Variants in SCEL observed in about 807,000 individuals in gnomAD.
The protein encoded by SCEL is sciellin.
In SCEL, 113 loss-of-function variants were observed where a neutral mutation model predicts 117.6. The observed-to-expected ratio is 0.96, with a 90% confidence interval of 0.83 to 1.12. SCEL has a LOEUF of 1.12. SCEL is among the 50% of genes most tolerant of loss of function. The probability of loss-of-function intolerance (pLI) is 0.00; values close to 1 mark genes in which losing one functional copy is unlikely to be tolerated. For synonymous variants in SCEL, 270 were observed against 256.2 expected (o/e 1.05, Z -0.51); for missense variants, 785 against 810.8 (o/e 0.97, Z 0.39).
chr13:77,552,780 C>A (rs1383528891), intron 1 of SCEL, among the ~76,000 whole-genome samples: 3 of 152,202 alleles, frequency 2.0e-5, no homozygotes, highest in Non-Finnish European at 4.4e-5. Flanking sequence ...ATGCCTATGT[C>A]CTGAATGGTA....
intron 9 of SCEL, among the ~76,000 whole-genome samples, chr13:77,583,057 C>T (rs2154399046): frequency 6.6e-6 from 1 of 151,964 alleles, no homozygotes; most frequent in African/African-American, 2.4e-5. Flanking sequence ...TCTTATAGAG[C>T]CAACTTAAAT....
intron 27 of SCEL, among the ~76,000 whole-genome samples, chr13:77,618,448 C>T (rs1203020005): frequency 6.6e-6 from 1 of 152,146 alleles, no homozygotes; most frequent in Non-Finnish European, 1.5e-5. Context: ...TCCTAAATTG[C>T]TGGGATTACA....
intron 1 of SCEL, among the ~76,000 whole-genome samples, chr13:77,550,598 T>C (rs1185156165): frequency 6.6e-6 from 1 of 152,136 alleles, no homozygotes; most frequent in Admixed American, 6.5e-5. Flanking sequence ...GTACATTTCA[T>C]ATCAATGGAA....
intron 9 of SCEL, among the ~76,000 whole-genome samples, chr13:77,580,941 C>T (rs1365631432): frequency 6.6e-6 from 1 of 152,002 alleles, no homozygotes; most frequent in Non-Finnish European, 1.5e-5. Context: ...AAAAAATATC[C>T]TGATTGAGAA....
At chr13:77,560,535 A>C (rs2084922864) in intron 4 of SCEL, among the ~76,000 whole-genome samples, 1 of 152,238 alleles carries the variant, frequency 6.6e-6, no homozygotes, top group South Asian at 2.1e-4. Flanking sequence ...TACAGAGTTC[A>C]CTTGCTTTAT....
chr13:77,634,242 C>G, intron 28 of SCEL, 137 bp from the exon 29 acceptor site: 1 of 769,756 alleles, frequency 1.3e-6, no homozygotes. Context: ...TAATACCACT[C>G]TAACATTCAT....
intron 24 of SCEL, among the ~76,000 whole-genome samples, chr13:77,615,862 G>T (rs973733842): frequency 1.3e-5 from 2 of 151,866 alleles, no homozygotes; most frequent in Admixed American, 6.6e-5. Context: ...TCTCAAATGT[G>T]GGTTGCAACT....
At chr13:77,610,401 G>A (rs1185386722) in intron 22 of SCEL, among the ~76,000 whole-genome samples, 2 of 148,808 alleles carry the variant, frequency 1.3e-5, no homozygotes, top group Non-Finnish European at 3.0e-5. Flanking sequence ...GCAGTGAGCC[G>A]AGATGGCACC....
chr13:77,568,216 T>A, intron 6 of SCEL, 79 bp from the exon 7 acceptor site: 1 of 897,330 alleles, frequency 1.1e-6, no homozygotes, highest in Non-Finnish European at 1.8e-6. Context: ...TTTAAAACTC[T>A]AAATTCAGGA....
intron 5 of SCEL, 96 bp downstream of exon 5, chr13:77,563,995 G>C: frequency 2.5e-6 from 2 of 815,902 alleles, no homozygotes; most frequent in Non-Finnish European, 1.8e-6. Flanking sequence ...CCAAAATAAG[G>C]TTTGAATCAC....
chr13:77,606,408 G>A (rs2088193874), intron 19 of SCEL: 1 of 152,148 alleles, frequency 6.6e-6, no homozygotes, highest in African/African-American at 2.4e-5. Context: ...AATTTAAAGA[G>A]ATCAAGTCCT....
intron 9 of SCEL, among the ~76,000 whole-genome samples, chr13:77,585,572 C>G (rs1307611704): frequency 6.6e-6 from 1 of 152,078 alleles, no homozygotes; most frequent in African/African-American, 2.4e-5. Flanking sequence ...AGCCAAGAGA[C>G]CCACCATGCT....
intron 24 of SCEL, among the ~76,000 whole-genome samples, chr13:77,614,314 TA>T (rs1304118889): frequency 7.2e-5 from 11 of 152,076 alleles, no homozygotes. Flanking sequence ...AGTTAATTTT[TA>T]AAAAAAGACC....
intron 1 of SCEL, among the ~76,000 whole-genome samples, chr13:77,550,628 C>T (rs1340214961): frequency 1.3e-5 from 2 of 152,094 alleles, no homozygotes; most frequent in African/African-American, 4.8e-5. Context: ...GTGTCCTCTT[C>T]CGTGTCTGGC....
chr13:77,553,152 G>A (rs1461357357), intron 1 of SCEL, among the ~76,000 whole-genome samples: 1 of 152,128 alleles, frequency 6.6e-6, no homozygotes, highest in Admixed American at 6.5e-5. Context: ...TTGGAGGAAC[G>A]TGACTTGGCC....
At chr13:77,537,874 CG>C (rs2083489901) in intron 1 of SCEL, among the ~76,000 whole-genome samples, 1 of 152,178 alleles carries the variant, frequency 6.6e-6, no homozygotes, top group Non-Finnish European at 1.5e-5. Flanking sequence ...GTATCTTATA[CG>C]GTTCAGGCAT....
rs1360609834 is a variant in SCEL, at chr13:77,612,903, G to A, written c.1350G>A (p.Leu450=). Residue 450 remains leucine, a synonymous_variant, in exon 23 of 33, where the codon TTG becomes TTA. Coordinates refer to ENST00000349847, the MANE Select transcript of SCEL (RefSeq NM_144777.3). ...AACATTTTTTTAGGAACCAAGACTTGGAAAATCTTATCAAAGTGATCCCTT... is the reference window on the plus strand; with the variant it reads ...AACATTTTTTTAGGAACCAAGACTTAGAAAATCTTATCAAAGTGATCCCTT... ...RNRTNQGNQD[L]ENLIKVIPSA... is the part of the protein sequence containing the mutation. The A allele has an allele frequency of 2.6e-6, 4 of 1,555,982 alleles. No homozygotes were observed. In the African/African-American group the frequency reaches 5.5e-5, roughly 22 times the overall value.
intron 23 of SCEL, among the ~76,000 whole-genome samples, chr13:77,613,339 A>G (rs2088802265): frequency 6.6e-6 from 1 of 152,234 alleles, no homozygotes; most frequent in African/African-American, 2.4e-5. Context: ...AACTGACAAC[A>G]TAATATTCTT....
At chr13:77,540,045 A>G (rs1485343507) in intron 1 of SCEL, among the ~76,000 whole-genome samples, 2 of 152,252 alleles carry the variant, frequency 1.3e-5, no homozygotes, top group Non-Finnish European at 2.9e-5. Context: ...CACAAAGCAC[A>G]TTTAAGAATA....
Sources: allele counts gnomAD v4.1 joint callset (sites outside exome capture counted in the v4.1 genomes callset), GRCh38; gene constraint gnomAD v4.1.1; transcripts MANE v1.5; gene names NCBI Gene and HGNC (gene_info 2026-07-23, HGNC 2026-07-21).